TSHZ1: variants seen among roughly 807,000 people sequenced by gnomAD.
The protein encoded by TSHZ1 is teashirt zinc finger homeobox 1.
Under a neutral mutation model 67.1 loss-of-function variants are expected in TSHZ1, and 12 were observed. The observed-to-expected ratio is 0.18, with a 90% confidence interval of 0.11 to 0.29. TSHZ1 has a LOEUF of 0.29. TSHZ1 is among the 10% of genes least tolerant of loss of function. The pLI, the probability that TSHZ1 is intolerant of heterozygous loss-of-function variation, is 1.00. For missense variants in TSHZ1, 1,305 were observed against 1,413.9 expected (o/e 0.92, Z 1.23); for synonymous variants, 632 against 622.4 (o/e 1.02, Z -0.23).
At chr18:75,224,891 C>G (rs2022901926) in intron 1 of TSHZ1, among the ~76,000 whole-genome samples, 1 of 152,104 alleles carries the variant, frequency 6.6e-6, no homozygotes, top group African/African-American at 2.4e-5. Context: ...TAGAGAATTC[C>G]TAACGCGTGC....
chr18:75,234,119 T>A (rs2023035200), intron 1 of TSHZ1, among the ~76,000 whole-genome samples: 1 of 152,192 alleles, frequency 6.6e-6, no homozygotes, highest in South Asian at 2.1e-4. Flanking sequence ...TGAAATCTAT[T>A]CTGCAAGTGT....
chr18:75,231,872 A>C (rs1444415317), intron 1 of TSHZ1, among the ~76,000 whole-genome samples: 10 of 151,646 alleles, frequency 6.6e-5, no homozygotes, highest in Admixed American at 5.3e-4. Context: ...AGGGCTTCAA[A>C]AATTATCCCT....
At chr18:75,231,625 C>G (rs938293933) in intron 1 of TSHZ1, among the ~76,000 whole-genome samples, 1 of 152,154 alleles carries the variant, frequency 6.6e-6, no homozygotes, top group African/African-American at 2.4e-5. Flanking sequence ...ACCTCTGCCT[C>G]CTGGGTTCAA....
intron 1 of TSHZ1, among the ~76,000 whole-genome samples, chr18:75,217,196 T>C (rs989466689): frequency 4.6e-5 from 7 of 152,232 alleles, no homozygotes; most frequent in East Asian, 1.9e-4. Context: ...TTGGTTCTTA[T>C]GAACGATTAA....
At chr18:75,267,593 T>C (rs1310937804) in intron 1 of TSHZ1, among the ~76,000 whole-genome samples, 1 of 152,198 alleles carries the variant, frequency 6.6e-6, no homozygotes, top group East Asian at 1.9e-4. Flanking sequence ...AGGAGTTCAG[T>C]TCTTTCCTAA....
At position 75,287,760 on chromosome 18, in the gene TSHZ1, C is replaced by A; in HGVS notation, c.2353C>A (p.Pro785Thr). 2 of 1,614,172 alleles carry A rather than the reference C, an allele frequency of 1.2e-6. No homozygotes were observed. Among genetic ancestry groups the A allele is most frequent in the Non-Finnish European group, 8.5e-7 (1 of 1,180,044 alleles). Residue 785 changes from proline (P) to threonine (T), a missense_variant, in exon 2 of 2, where the codon CCG (proline) becomes ACG (threonine). By Grantham distance (38) the Pro-to-Thr change is conservative. Coordinates refer to ENST00000580243, the MANE Select transcript of TSHZ1 (RefSeq NM_001308210.2). The surrounding 1 kb of genome is among the most constrained non-coding windows in gnomAD (Gnocchi z 5.0). ...YKISNSMLDK[P>T]VYPATPVKQA... ...GATCAGCAACAGCATGCTGGACAAG[C>A]CGGTGTACCCCGCCACCCCTGTGAA...
At chr18:75,280,689 A>G (rs2023674040) in intron 1 of TSHZ1, 1 of 955,300 alleles carries the variant, frequency 1.0e-6, no homozygotes, top group Admixed American at 6.2e-5. Flanking sequence ...TTCAGTGATA[A>G]CTTAGCTTAA....
intron 1 of TSHZ1, among the ~76,000 whole-genome samples, chr18:75,212,322 C>T (rs2022708846): frequency 6.6e-6 from 1 of 152,146 alleles, no homozygotes; most frequent in Non-Finnish European, 1.5e-5. Context: ...AACAAGGTCA[C>T]CAGGCTGGGA....
At chr18:75,251,065 T>C (rs2023297471) in intron 1 of TSHZ1, among the ~76,000 whole-genome samples, 1 of 152,234 alleles carries the variant, frequency 6.6e-6, no homozygotes, top group Admixed American at 6.5e-5. Flanking sequence ...ATTACTTTGC[T>C]TTTGTCAGTG....
chr18:75,223,162 A>G (rs139880277), intron 1 of TSHZ1, among the ~76,000 whole-genome samples: 2 of 152,292 alleles, frequency 1.3e-5, no homozygotes, highest in African/African-American at 4.8e-5. Context: ...CAGTTATCTC[A>G]ACGAGAGTGG....
chr18:75,285,671 C>T lies in TSHZ1; in HGVS notation c.264C>T (p.Phe88=). 1.2e-6 allele frequency: 2 copies of T among 1,614,096 alleles called. No homozygotes were observed. The highest frequency in any genetic ancestry group is 1.7e-6 in the Non-Finnish European group (2 of 1,180,012). ...FSESSDQLAH[F]KGSSSREEKE... is the part of the protein sequence containing the mutation. ...AGAGCAGCGACCAGCTAGCCCATTT[C>T]AAAGGCTCTTCCTCTCGAGAAGAGA... Residue 88 remains phenylalanine, a synonymous_variant, in exon 2 of 2, where the codon TTC becomes TTT. Transcript: ENST00000580243.
Position 75,285,623 on chromosome 18 carries a change from C to T in TSHZ1, c.216C>T (p.Ala72=), listed in dbSNP as rs140131388. 49 of 1,613,182 alleles carry T rather than the reference C, an allele frequency of 3.0e-5. No homozygotes were observed. The highest frequency in any genetic ancestry group is 2.5e-4 in the African/African-American group (19 of 74,992). Residue 72 remains alanine, a synonymous_variant, in exon 2 of 2, where the codon GCC becomes GCT. Transcript: ENST00000580243. Reference sequence around the variant, plus strand: ...TCAGCTCTGCGACTAACCAGGACGCCGGCTACGGGTCGCCCTTCAGTGAGA... The same window carrying T: ...TCAGCTCTGCGACTAACCAGGACGCTGGCTACGGGTCGCCCTTCAGTGAGA... ...SPVSSATNQD[A]GYGSPFSESS...
chr18:75,253,082 T>C (rs1273080943), intron 1 of TSHZ1, among the ~76,000 whole-genome samples: 1 of 152,220 alleles, frequency 6.6e-6, no homozygotes, highest in East Asian at 1.9e-4. Flanking sequence ...ATTCAAATCT[T>C]ATTTGCTACT....
Position 75,214,653 on chromosome 18 carries a change from A to T in TSHZ1, c.40+2737A>T, listed in dbSNP as rs538224206. Among the ~76,000 whole-genome samples the T allele has an allele frequency of 2.8e-4, 42 of 152,332 alleles. 1 individual carries two copies. The highest frequency in any genetic ancestry group is 9.9e-4 in the African/African-American group (41 of 41,566). ...GAAGTTGGTGGATGACAGATGTAGA[A>T]TAGCAATACTTCACAGTGATGAGAG... On this transcript the variant is annotated intron_variant, in intron 1 of 1. Coordinates refer to ENST00000580243, the MANE Select transcript of TSHZ1 (RefSeq NM_001308210.2).
intron 1 of TSHZ1, among the ~76,000 whole-genome samples, chr18:75,241,204 C>G (rs146111037): frequency 6.6e-6 from 1 of 152,324 alleles, no homozygotes; most frequent in African/African-American, 2.4e-5. Flanking sequence ...CTCTAGTATG[C>G]ACCCAAGGGC....
intron 1 of TSHZ1, chr18:75,284,670 CCTT>C (rs2023728160): frequency 6.6e-6 from 1 of 152,322 alleles, no homozygotes; most frequent in South Asian, 2.1e-4. Flanking sequence ...TGTCTGGCTG[CCTT>C]CACCGAGCAC....
rs1213991545 is a variant in TSHZ1, at chr18:75,211,797, GCCCGCGCCCGGGGC to G, written c.-73_-60del. The stretch of plus-strand genomic sequence containing the variant: ...AAAGTTGGGCGCGCCGCGGAGTTGC[GCCCGCGCCCGGGGC>G]CCCGCGTCCCCGCGCCCCGCGAACT... On this transcript the variant is annotated 5_prime_UTR_variant, in exon 1 of 2. The change abolishes the stop of an existing upstream ORF in the 5' untranslated region. Coordinates refer to ENST00000580243, the MANE Select transcript of TSHZ1 (RefSeq NM_001308210.2). 1.0e-6 allele frequency: 1 copy of G among 965,452 alleles called. No individual in the cohort carries two copies. Among genetic ancestry groups the G allele is most frequent in the Admixed American group, 5.9e-5 (1 of 16,978 alleles). 59.8% of individuals were successfully genotyped at this position (965,452 alleles called of 1,614,324 possible).
chr18:75,276,352 T>A (rs1007140272), intron 1 of TSHZ1, among the ~76,000 whole-genome samples: 2 of 152,060 alleles, frequency 1.3e-5, no homozygotes, highest in African/African-American at 4.8e-5. Flanking sequence ...TGGCAGGGTG[T>A]CAGTCTTCCT....
chr18:75,224,392 C>T (rs2022893104), intron 1 of TSHZ1, among the ~76,000 whole-genome samples: 1 of 152,098 alleles, frequency 6.6e-6, no homozygotes, highest in Non-Finnish European at 1.5e-5. Flanking sequence ...TTTATAAATC[C>T]CTTTCTGATG....
Sources: allele counts gnomAD v4.1 joint callset (sites outside exome capture counted in the v4.1 genomes callset), GRCh38; gene constraint gnomAD v4.1.1; non-coding constraint Gnocchi (gnomAD v3.1); transcripts MANE v1.5; gene names NCBI Gene and HGNC (gene_info 2026-07-23, HGNC 2026-07-21).